Variants in AARS1 observed in about 807,000 individuals in gnomAD.
AARS1 encodes the protein alanyl-tRNA synthetase 1.
A neutral mutation model predicts 108.9 loss-of-function variants in AARS1; 72 were observed. That is an observed-to-expected ratio of 0.66 (90% confidence interval 0.55 to 0.80). The LOEUF (loss-of-function observed/expected upper bound fraction) is 0.80. Ranked by LOEUF, AARS1 falls within the 30% of genes least tolerant of loss-of-function variation. The pLI is 0.00. For missense variants in AARS1, 1,193 were observed against 1,233.2 expected (o/e 0.97, Z 0.49); for synonymous variants, 489 against 465.7 (o/e 1.05, Z -0.64).
chr16:70,273,631 G>C (rs2152164599), intron 4 of AARS1, among the ~76,000 whole-genome samples: 1 of 152,096 alleles, frequency 6.6e-6, no homozygotes. Flanking sequence ...GGGAGGCCAA[G>C]GCAGGCCGAT....
At chr16:70,288,890 AG>A (rs1960948351) in intron 1 of AARS1, among the ~76,000 whole-genome samples, 1 of 151,998 alleles carries the variant, frequency 6.6e-6, no homozygotes, top group African/African-American at 2.4e-5. Flanking sequence ...GCACATCCTC[AG>A]CATCTAGTAC....
intron 2 of AARS1, among the ~76,000 whole-genome samples, chr16:70,279,147 C>T (rs1355367404): frequency 1.3e-5 from 2 of 151,072 alleles, no homozygotes; most frequent in Admixed American, 6.6e-5. Flanking sequence ...GTCAGGAGTT[C>T]GAGACCAGCC....
chr16:70,258,272 C>A, intron 14 of AARS1, 55 bp from the exon 15 acceptor site: 1 of 1,541,396 alleles, frequency 6.5e-7, no homozygotes, highest in East Asian at 2.4e-5. Context: ...AGGTGCGGTA[C>A]GACGAGGCAG....
At chr16:70,284,546 G>T (rs1034928311) in intron 1 of AARS1, among the ~76,000 whole-genome samples, 8 of 150,628 alleles carry the variant, frequency 5.3e-5, no homozygotes, top group African/African-American at 2.0e-4. Context: ...AGCTTGCAGT[G>T]AGCCAAGATC....
chr16:70,281,599 G>T (rs1413494779), intron 2 of AARS1, among the ~76,000 whole-genome samples: 1 of 152,230 alleles, frequency 6.6e-6, no homozygotes, highest in South Asian at 2.1e-4. Flanking sequence ...TCGGGAGGCA[G>T]AGATTGCAGT....
At chr16:70,273,678 C>T (rs1184101762) in intron 4 of AARS1, among the ~76,000 whole-genome samples, 5 of 151,708 alleles carry the variant, frequency 3.3e-5, no homozygotes, top group African/African-American at 7.3e-5. Context: ...CTGGCTGACA[C>T]GGTGAAACCC....
intron 2 of AARS1, among the ~76,000 whole-genome samples, chr16:70,278,490 G>T (rs1185280543): frequency 2.0e-5 from 3 of 151,596 alleles, no homozygotes; most frequent in Non-Finnish European, 4.4e-5. Context: ...ACTTGAACCC[G>T]GGAGGCAGAG....
chr16:70,253,506 G>A (rs1368967203), intron 19 of AARS1, 125 bp from the exon 20 acceptor site: 4 of 1,054,932 alleles, frequency 3.8e-6, no homozygotes, highest in Non-Finnish European at 5.7e-6. Context: ...GCTGTGCCCA[G>A]GGCCTGTGGG....
intron 20 of AARS1, 72 bp downstream of exon 20, chr16:70,253,196 G>A: frequency 2.3e-6 from 3 of 1,288,344 alleles, no homozygotes; most frequent in Non-Finnish European, 3.4e-6. Flanking sequence ...TCGAATGCAG[G>A]CTGTACACAC....
chr16:70,277,229 G>A, intron 2 of AARS1, 75 bp from the exon 3 acceptor site: 1 of 1,402,174 alleles, frequency 7.1e-7, no homozygotes, highest in Non-Finnish European at 1.0e-6. Flanking sequence ...AGCAGGAAGA[G>A]ACGACCACAC....
Position 70,253,037 on chromosome 16 carries a change from CTT to C in AARS1, c.2722-133_2722-132del, listed in dbSNP as rs140930807. ...TGATACTGCTGGAGGCCGAGACAGACTTTACGGCTGGTACAGGGGGCGGCCAT... is the reference window on the plus strand; with the variant it reads ...TGATACTGCTGGAGGCCGAGACAGACTACGGCTGGTACAGGGGGCGGCCAT... On this transcript the variant is annotated intron_variant, in intron 20 of 20. Coordinates refer to ENST00000261772, the MANE Select transcript of AARS1 (RefSeq NM_001605.3). 2.8e-3 allele frequency: 3,111 copies of C among 1,123,208 alleles called. 54 individuals carry two copies. In the African/African-American group the frequency reaches 0.041, roughly 15 times the overall value. 69.6% of individuals were successfully genotyped at this position (1,123,208 alleles called of 1,614,324 possible). A position where few individuals can be genotyped will look rare whatever the true frequency, so the allele number is the denominator to read the frequency against.
At chr16:70,267,089 G>A (rs2152159792) in intron 9 of AARS1, among the ~76,000 whole-genome samples, 1 of 152,228 alleles carries the variant, frequency 6.6e-6, no homozygotes, top group South Asian at 2.1e-4. Context: ...GCCCGCCTCG[G>A]CATCCCAAAG....
At chr16:70,257,278 G>A (rs1960014656) in intron 15 of AARS1, among the ~76,000 whole-genome samples, 1 of 152,024 alleles carries the variant, frequency 6.6e-6, no homozygotes, top group Non-Finnish European at 1.5e-5. Flanking sequence ...TCATGGCTGG[G>A]CATGGGGGCA....
At chr16:70,269,100 G>A (rs2152161181) in intron 7 of AARS1, among the ~76,000 whole-genome samples, 1 of 151,888 alleles carries the variant, frequency 6.6e-6, no homozygotes, top group South Asian at 2.1e-4. Context: ...GAGGCGGGCG[G>A]ATCACCTGAG....
chr16:70,271,929 A>T lies in AARS1; in HGVS notation c.523T>A (p.Phe175Ile). 1 of 1,614,148 alleles carries T rather than the reference A, an allele frequency of 6.2e-7. No individual in the cohort carries two copies. The highest frequency in any genetic ancestry group is 8.5e-7 in the Non-Finnish European group (1 of 1,180,024). The part of the protein sequence containing the change: ...KILPGNMKDN[F>I]WEMGDTGPCG... ...GGGCCCGTGTCACCCATCTCCCAGA[A>T]GTTATCCTTCATGTTGCCTGGGAGG... The change falls in exon 5 of 21, where the codon TTC (phenylalanine) becomes ATC (isoleucine). Residue 175 changes from phenylalanine to isoleucine, a missense_variant. Coordinates refer to ENST00000261772, the MANE Select transcript of AARS1 (RefSeq NM_001605.3).
chr16:70,256,912 C>G (rs1960005438), intron 15 of AARS1, among the ~76,000 whole-genome samples: 1 of 150,346 alleles, frequency 6.7e-6, no homozygotes, highest in Non-Finnish European at 1.5e-5. Flanking sequence ...ATCAGGAGTT[C>G]AAGACCAGCC....
At chr16:70,271,358 G>A (rs185873721) in intron 5 of AARS1, among the ~76,000 whole-genome samples, 15 of 151,066 alleles carry the variant, frequency 9.9e-5, no homozygotes, top group East Asian at 5.9e-4. Flanking sequence ...GAGAAACCCC[G>A]TCTCCACTAA....
chr16:70,271,252 G>A (rs2152162803), intron 5 of AARS1, among the ~76,000 whole-genome samples: 1 of 152,020 alleles, frequency 6.6e-6, no homozygotes, highest in South Asian at 2.1e-4. Context: ...GTCCAGTTCT[G>A]GCACGGTGGC....
chr16:70,271,291 G>A (rs1426216716), intron 5 of AARS1, among the ~76,000 whole-genome samples: 2 of 152,118 alleles, frequency 1.3e-5, no homozygotes, highest in Non-Finnish European at 2.9e-5. Context: ...CACTTTGGGA[G>A]GCTGAGGCGG....
Sources: gnomAD v4.1 joint callset for allele counts (sites outside exome capture counted in the v4.1 genomes callset) on GRCh38, gnomAD v4.1.1 for gene constraint, MANE v1.5 for transcripts, NCBI Gene and HGNC (gene_info 2026-07-23, HGNC 2026-07-21) for gene names.